SLC4A4: variants seen among roughly 807,000 people sequenced by gnomAD.
SLC4A4 encodes solute carrier family 4 member 4.
SLC4A4 carries 27 observed loss-of-function variants against 111.5 expected under a neutral mutation model. That is an observed-to-expected ratio of 0.24 (90% CI 0.18 to 0.33). The LOEUF is 0.33. SLC4A4 is among the 10% of genes least tolerant of loss of function. SLC4A4 has a pLI of 1.00. For synonymous variants in SLC4A4, 443 were observed against 463.4 expected (o/e 0.96, Z 0.57); for missense variants, 909 against 1,315.5 (o/e 0.69, Z 4.78).
intron 1 of SLC4A4, among the ~76,000 whole-genome samples, chr4:71,230,236 G>T (rs1719327452): frequency 6.6e-6 from 1 of 152,212 alleles, no homozygotes; most frequent in African/African-American, 2.4e-5. Context: ...AAAAAGACCT[G>T]TGAAATGCTG....
chr4:71,555,855 T>A (rs1736426720), intron 21 of SLC4A4, among the ~76,000 whole-genome samples: 1 of 151,914 alleles, frequency 6.6e-6, no homozygotes, highest in South Asian at 2.1e-4. Context: ...AACAACATAG[T>A]GAGACCCTGT....
At chr4:71,513,275 A>T (rs1196705200) in intron 16 of SLC4A4, among the ~76,000 whole-genome samples, 1 of 152,002 alleles carries the variant, frequency 6.6e-6, no homozygotes, top group Non-Finnish European at 1.5e-5. Flanking sequence ...TGAGTGTGGG[A>T]AGTTTTTCTA....
At chr4:71,524,558 C>T (rs1363155778) in intron 16 of SLC4A4, among the ~76,000 whole-genome samples, 1 of 152,086 alleles carries the variant, frequency 6.6e-6, no homozygotes, top group East Asian at 1.9e-4. Flanking sequence ...GAGTCAAAAT[C>T]AGACTTTCCT....
chr4:71,372,297 G>T (rs1731966250), intron 6 of SLC4A4, among the ~76,000 whole-genome samples: 1 of 152,176 alleles, frequency 6.6e-6, no homozygotes, highest in African/African-American at 2.4e-5. Flanking sequence ...TTCAAATGCT[G>T]CCAAGGTATT....
At chr4:71,086,334 A>G (rs1486846036) in intron 1 of SLC4A4, among the ~76,000 whole-genome samples, 9 of 151,832 alleles carry the variant, frequency 5.9e-5, no homozygotes, top group Admixed American at 5.9e-4. Flanking sequence ...TAGAAATACA[A>G]TCATGTCATC....
intron 2 of SLC4A4, among the ~76,000 whole-genome samples, chr4:71,093,551 G>A (rs1409951116): frequency 1.3e-5 from 2 of 152,132 alleles, no homozygotes; most frequent in Non-Finnish European, 2.9e-5. Context: ...TTTTTGTTCT[G>A]TAAGTGAATA....
intron 6 of SLC4A4, among the ~76,000 whole-genome samples, chr4:71,395,867 A>G (rs1337008939): frequency 6.6e-6 from 1 of 152,212 alleles, no homozygotes; most frequent in East Asian, 1.9e-4. Flanking sequence ...TATTTTCAAC[A>G]TGATTAGGAT....
chr4:71,461,591 C>T (rs1022052859), intron 12 of SLC4A4, among the ~76,000 whole-genome samples: 3 of 152,062 alleles, frequency 2.0e-5, no homozygotes, highest in Non-Finnish European at 4.4e-5. Flanking sequence ...CCTTGGCAGC[C>T]CTTGCCCCAA....
At chr4:71,219,566 G>A (rs1718620107) in intron 1 of SLC4A4, among the ~76,000 whole-genome samples, 1 of 152,120 alleles carries the variant, frequency 6.6e-6, no homozygotes, top group Non-Finnish European at 1.5e-5. Flanking sequence ...GAGTAATTTC[G>A]ACTTTCAAGT....
intron 1 of SLC4A4, among the ~76,000 whole-genome samples, chr4:71,192,159 G>C (rs907573888): frequency 6.6e-6 from 1 of 151,916 alleles, no homozygotes; most frequent in Non-Finnish European, 1.5e-5. Context: ...AATACTATTT[G>C]CAAGTAAGTA....
intron 4 of SLC4A4, among the ~76,000 whole-genome samples, chr4:71,340,009 G>A (rs1045239875): frequency 6.6e-6 from 1 of 151,654 alleles, no homozygotes; most frequent in Non-Finnish European, 1.5e-5. Context: ...CCTGAGCCTA[G>A]GGTTCAAGAC....
At chr4:71,531,375 G>A (rs1045781329) in intron 16 of SLC4A4, among the ~76,000 whole-genome samples, 1 of 152,172 alleles carries the variant, frequency 6.6e-6, no homozygotes, top group Admixed American at 6.6e-5. Flanking sequence ...GAGGAGAGAT[G>A]TCCCACATAC....
chr4:71,365,988 T>C (rs1731217436), intron 6 of SLC4A4, among the ~76,000 whole-genome samples: 1 of 152,156 alleles, frequency 6.6e-6, no homozygotes, highest in Non-Finnish European at 1.5e-5. Context: ...AGGTCTCATA[T>C]GTAATAATGT....
chr4:71,288,039 T>G (rs1724050122), intron 3 of SLC4A4, among the ~76,000 whole-genome samples: 1 of 152,206 alleles, frequency 6.6e-6, no homozygotes, highest in Non-Finnish European at 1.5e-5. Flanking sequence ...GATCTTTCAA[T>G]CATTTTTAAA....
chr4:71,129,659 C>T (rs1212604945), intron 2 of SLC4A4, among the ~76,000 whole-genome samples: 2 of 151,882 alleles, frequency 1.3e-5, no homozygotes, highest in Admixed American at 6.6e-5. Flanking sequence ...TAAAGACACA[C>T]ATCACATGTA....
chr4:71,526,316 A>G (rs1453446), intron 16 of SLC4A4, among the ~76,000 whole-genome samples: 85,494 of 151,928 alleles, frequency 0.56, 27,576 homozygotes, highest in Non-Finnish European at 0.74. Context: ...AACTAATATT[A>G]TACAATTTAA....
intron 8 of SLC4A4, among the ~76,000 whole-genome samples, chr4:71,445,306 A>C (rs1246178712): frequency 6.6e-6 from 1 of 152,162 alleles, no homozygotes; most frequent in East Asian, 1.9e-4. Flanking sequence ...GAGGACTATT[A>C]ATGACTGAGA....
intron 3 of SLC4A4, among the ~76,000 whole-genome samples, chr4:71,323,289 A>AGT (rs1489200470): frequency 1.3e-5 from 2 of 152,034 alleles, no homozygotes; most frequent in Non-Finnish European, 2.9e-5. Context: ...GTTAACATTT[A>AGT]GTGTATGTCC....
chr4:71,488,888 A>ATGTG (rs66801188), intron 15 of SLC4A4, among the ~76,000 whole-genome samples: 12,219 of 140,532 alleles, frequency 0.087, 720 homozygotes, highest in South Asian at 0.26. Flanking sequence ...AGAAGAAAAA[A>ATGTG]TGTGTGTGTG....
Sources: allele counts gnomAD v4.1 joint callset (sites outside exome capture counted in the v4.1 genomes callset), GRCh38; gene constraint gnomAD v4.1.1; transcripts MANE v1.5; gene names NCBI Gene and HGNC (gene_info 2026-07-23, HGNC 2026-07-21).